IFT80: variants seen among roughly 807,000 people sequenced by gnomAD.
The protein encoded by IFT80 is intraflagellar transport protein 80 homolog.
A neutral mutation model predicts 107.9 loss-of-function variants in IFT80; 79 were observed. The ratio of observed to expected loss-of-function variants is 0.73; its 90% confidence interval spans 0.61 to 0.88. The LOEUF is 0.88. Ranked by LOEUF, IFT80 falls within the 40% of genes least tolerant of loss-of-function variation. The pLI is 0.00. For synonymous variants in IFT80, 299 were observed against 300.9 expected (o/e 0.99, Z 0.07); for missense variants, 797 against 914.2 (o/e 0.87, Z 1.65).
chr3:160,299,219 G>A, intron 12 of IFT80: 1 of 1,128,300 alleles, frequency 8.9e-7, no homozygotes, highest in Non-Finnish European at 1.1e-6. Flanking sequence ...CTCTTTCTTA[G>A]CCAAAAAGGA....
At chr3:160,329,369 T>A (rs1229286245) in intron 8 of IFT80, among the ~76,000 whole-genome samples, 1 of 152,134 alleles carries the variant, frequency 6.6e-6, no homozygotes, top group Non-Finnish European at 1.5e-5. Context: ...TGGGTGTAAT[T>A]TAGTGGTACT....
chr3:160,386,121 G>A (rs1238030658), intron 1 of IFT80, among the ~76,000 whole-genome samples: 2 of 152,104 alleles, frequency 1.3e-5, no homozygotes, highest in Admixed American at 6.5e-5. Context: ...TACAAGAAAG[G>A]AATCACTAAC....
At chr3:160,373,069 A>G (rs896901766) in intron 5 of IFT80, among the ~76,000 whole-genome samples, 2 of 152,124 alleles carry the variant, frequency 1.3e-5, no homozygotes, top group African/African-American at 2.4e-5. Context: ...TCAAAAGCAG[A>G]AGCAAATTTT....
At chr3:160,292,541 G>A (rs1357809680) in intron 12 of IFT80, among the ~76,000 whole-genome samples, 2 of 147,088 alleles carry the variant, frequency 1.4e-5, no homozygotes, top group South Asian at 2.2e-4. Flanking sequence ...GTGCAGTGGC[G>A]CGATCTCAGC....
chr3:160,269,745 C>T (rs1304097767), intron 18 of IFT80, among the ~76,000 whole-genome samples: 2 of 152,190 alleles, frequency 1.3e-5, no homozygotes, highest in Non-Finnish European at 1.5e-5. Flanking sequence ...ATCCAGTGGA[C>T]TATAGCTCTC....
chr3:160,274,955 C>A (rs577292078), intron 18 of IFT80, among the ~76,000 whole-genome samples: 1 of 152,272 alleles, frequency 6.6e-6, no homozygotes, highest in South Asian at 2.1e-4. Flanking sequence ...TGGTACCAGC[C>A]ATAGATAATT....
At chr3:160,330,374 C>T (rs926669728) in intron 8 of IFT80, among the ~76,000 whole-genome samples, 1 of 152,174 alleles carries the variant, frequency 6.6e-6, no homozygotes, top group Non-Finnish European at 1.5e-5. Flanking sequence ...CTTACCAACT[C>T]GTCTGCTAAC....
chr3:160,333,664 G>A (rs1430077245), intron 8 of IFT80, among the ~76,000 whole-genome samples: 2 of 152,106 alleles, frequency 1.3e-5, no homozygotes, highest in Non-Finnish European at 2.9e-5. Context: ...TGTCCCACTG[G>A]AAGGTCTTCA....
chr3:160,342,421 T>G (rs1719976865), intron 8 of IFT80, among the ~76,000 whole-genome samples: 3 of 152,220 alleles, frequency 2.0e-5, no homozygotes, highest in Non-Finnish European at 4.4e-5. Flanking sequence ...GGGAAGAGAC[T>G]ATTTTTTTCC....
At chr3:160,290,804 C>A (rs1715498478) in intron 12 of IFT80, among the ~76,000 whole-genome samples, 1 of 152,146 alleles carries the variant, frequency 6.6e-6, no homozygotes, top group South Asian at 2.1e-4. Flanking sequence ...CTCAGGTGAT[C>A]CACCTGCCTC....
chr3:160,373,110 G>C (rs1711660972), intron 5 of IFT80, among the ~76,000 whole-genome samples: 1 of 152,146 alleles, frequency 6.6e-6, no homozygotes, highest in African/African-American at 2.4e-5. Flanking sequence ...GTTTTGCCAT[G>C]TTGCCCAGGC....
chr3:160,387,028 G>C (rs1712986498), intron 1 of IFT80, among the ~76,000 whole-genome samples: 1 of 152,162 alleles, frequency 6.6e-6, no homozygotes. Flanking sequence ...GAGCCTATCA[G>C]GAGGGAAAAT....
At chr3:160,391,577 A>C (rs1713386732) in intron 1 of IFT80, 1 of 152,252 alleles carries the variant, frequency 6.6e-6, no homozygotes, top group African/African-American at 2.4e-5. Flanking sequence ...AGGCTGAGGC[A>C]GGAGAATCGC....
intron 13 of IFT80, among the ~76,000 whole-genome samples, chr3:160,283,046 C>A (rs1350545018): frequency 6.6e-6 from 1 of 151,994 alleles, no homozygotes; most frequent in African/African-American, 2.4e-5. Flanking sequence ...CATCATGTGT[C>A]CAGGGCCTTA....
At chr3:160,342,552 C>T (rs1162884586) in intron 8 of IFT80, 2 of 152,146 alleles carry the variant, frequency 1.3e-5, no homozygotes, top group Non-Finnish European at 2.9e-5. Context: ...CAATGCCAAC[C>T]TCACCCTTCT....
chr3:160,290,452 C>A (rs1027002872), intron 12 of IFT80, among the ~76,000 whole-genome samples: 53 of 151,312 alleles, frequency 3.5e-4, no homozygotes, highest in Non-Finnish European at 6.8e-4. Context: ...AAAGAAAGTC[C>A]TAATGGGAGT....
At chr3:160,261,875 G>A (rs1433978882) in intron 19 of IFT80, among the ~76,000 whole-genome samples, 1 of 151,784 alleles carries the variant, frequency 6.6e-6, no homozygotes, top group African/African-American at 2.4e-5. Context: ...AGGGCATGGT[G>A]ACATGCAGAA....
At chr3:160,259,868 A>G (rs1712676060) in intron 19 of IFT80, among the ~76,000 whole-genome samples, 2 of 152,228 alleles carry the variant, frequency 1.3e-5, no homozygotes, top group African/African-American at 4.8e-5. Context: ...TACAGGAAAT[A>G]AATCCAAACC....
intron 9 of IFT80, among the ~76,000 whole-genome samples, chr3:160,313,754 C>T (rs1166043658): frequency 6.6e-6 from 1 of 151,960 alleles, no homozygotes; most frequent in East Asian, 1.9e-4. Flanking sequence ...GGACTACAGG[C>T]ACAAGCCACC....
Sources: allele counts gnomAD v4.1 joint callset (sites outside exome capture counted in the v4.1 genomes callset), GRCh38; gene constraint gnomAD v4.1.1; transcripts MANE v1.5; gene names NCBI Gene and HGNC (gene_info 2026-07-23, HGNC 2026-07-21).